Variants in MSH4 observed in about 807,000 individuals in gnomAD.
MSH4 encodes the protein mutS homolog 4, also known as mutS protein homolog 4.
In MSH4, 106 loss-of-function variants were observed where a neutral mutation model predicts 113.7. The observed-to-expected ratio is 0.93, with a 90% CI of 0.80 to 1.10. MSH4 has a LOEUF of 1.10. MSH4 is among the 50% of genes least tolerant of loss of function. The pLI, the probability that MSH4 is intolerant of heterozygous loss-of-function variation, is 0.00. For synonymous variants in MSH4, 368 were observed against 380.2 expected, an observed-to-expected ratio of 0.97 and a Z score of 0.37; for missense variants, 1,061 against 1,093.7, an observed-to-expected ratio of 0.97 and a Z score of 0.42.
intron 17 of MSH4, among the ~76,000 whole-genome samples, chr1:75,896,394 C>CACACA (rs571761055): frequency 2.0e-5 from 3 of 147,168 alleles, no homozygotes; most frequent in African/African-American, 5.0e-5. Context: ...CACACACACA[C>CACACA]CCTATTGGTC....
At chr1:75,888,049 A>G (rs553834640) in intron 15 of MSH4, among the ~76,000 whole-genome samples, 2 of 150,242 alleles carry the variant, frequency 1.3e-5, no homozygotes, top group South Asian at 4.2e-4. Flanking sequence ...AATATCTAGT[A>G]TGTCGAATGG....
Position 75,804,003 on chromosome 1 carries a change from T to G in MSH4, c.427+90T>G. On this transcript the variant is annotated intron_variant, in intron 2 of 19. Transcript: ENST00000263187. ...TTAGGGTTATTAAGTTCATTTGAAT[T>G]TATCTATAACTGATATGAATGAAAA... 3.3e-6 allele frequency: 3 copies of G among 919,344 alleles called. No individual in the cohort carries two copies. In the Admixed American group the frequency reaches 1.0e-4, roughly 31 times the overall value. 56.9% of individuals were successfully genotyped at this position (919,344 alleles called of 1,614,324 possible). A position where few individuals can be genotyped will look rare whatever the true frequency, so the allele number is the denominator to read the frequency against.
intron 19 of MSH4, among the ~76,000 whole-genome samples, chr1:75,906,592 T>A (rs1443596834): frequency 2.1e-5 from 2 of 96,858 alleles, no homozygotes; most frequent in Non-Finnish European, 3.9e-5. Context: ...TATATTTTAA[T>A]TTATGATTTT....
chr1:75,881,347 A>T lies in MSH4; in HGVS notation c.1883A>T (p.His628Leu). 1 of 1,611,840 alleles carries T rather than the reference A, an allele frequency of 6.2e-7. No individual in the cohort carries two copies. The highest frequency in any genetic ancestry group is 8.5e-7 in the Non-Finnish European group (1 of 1,179,046). Residue 628 changes from histidine (H) to leucine (L), a missense_variant, in exon 14 of 20, where the codon CAT becomes CTT. His to Leu is a moderately conservative substitution (Grantham distance 99, BLOSUM62 -3). Transcript: ENST00000263187. Reference sequence around the variant, plus strand: ...CTGGATATGCTACTGTCATTTGCTCATGCCTGCACTCTTTCTGACTATGGT... The same window carrying T: ...CTGGATATGCTACTGTCATTTGCTCTTGCCTGCACTCTTTCTGACTATGGT... ...SMLDMLLSFAHACTLSDYVRP... is the reference protein window; with the variant it reads ...SMLDMLLSFALACTLSDYVRP...
chr1:75,912,673 T>C, intron 19 of MSH4, 23 bp from the exon 20 acceptor site: 1 of 609,960 alleles, frequency 1.6e-6, no homozygotes. Flanking sequence ...TATATATATA[T>C]ATTTTTTTTT....
In MSH4 at chr1:75,886,903, A is replaced by G. The variant is rs367605577; in HGVS notation, c.2108-2348A>G. Among the ~76,000 whole-genome samples, 260 of 149,516 alleles carry G rather than the reference A, an allele frequency of 1.7e-3. 7 individuals carry two copies. In the South Asian group the frequency reaches 0.053, roughly 31 times the overall value. On this transcript the variant is annotated intron_variant, in intron 15 of 19. Transcript: ENST00000263187. ...TTTATTCTCCTAGAAACTCCATAAG[A>G]AAGTTGTATTTGAAATCTAAGTTCT... is the stretch of plus-strand genomic sequence containing the variant.
At chr1:75,863,308 T>G (rs1194413251) in intron 8 of MSH4, among the ~76,000 whole-genome samples, 1 of 152,310 alleles carries the variant, frequency 6.6e-6, no homozygotes, top group Non-Finnish European at 1.5e-5. Flanking sequence ...CATAGTATTA[T>G]CTAGAACTGC....
intron 7 of MSH4, among the ~76,000 whole-genome samples, chr1:75,826,085 A>G (rs1455753570): frequency 1.4e-5 from 2 of 145,188 alleles, no homozygotes; most frequent in Admixed American, 6.8e-5. Context: ...CTGTGAATCC[A>G]TCTGGTCCTG....
intron 8 of MSH4, among the ~76,000 whole-genome samples, chr1:75,848,664 G>A (rs1215030943): frequency 6.6e-6 from 1 of 152,052 alleles, no homozygotes; most frequent in Non-Finnish European, 1.5e-5. Context: ...CTTAAGCCTT[G>A]GGAGGTCAAG....
At chr1:75,844,452 G>C (rs1048654030) in intron 7 of MSH4, among the ~76,000 whole-genome samples, 2 of 152,022 alleles carry the variant, frequency 1.3e-5, no homozygotes, top group Non-Finnish European at 2.9e-5. Context: ...TCAGCCTCCT[G>C]AGTAGCTGGG....
chr1:75,867,118 A>G (rs5745429), intron 8 of MSH4, among the ~76,000 whole-genome samples: 38,647 of 152,136 alleles, frequency 0.25, 6,431 homozygotes, highest in East Asian at 0.68. Context: ...TTCTATAACT[A>G]TCTGGGAGGT....
chr1:75,869,751 C>A (rs926514365), intron 9 of MSH4, among the ~76,000 whole-genome samples: 1 of 152,148 alleles, frequency 6.6e-6, no homozygotes, highest in Non-Finnish European at 1.5e-5. Context: ...AGAGGATGTA[C>A]GGAAATGCCT....
chr1:75,863,996 C>T (rs866740997), intron 8 of MSH4, among the ~76,000 whole-genome samples: 9 of 152,128 alleles, frequency 5.9e-5, no homozygotes, highest in Non-Finnish European at 1.0e-4. Context: ...CCTTCTTCTC[C>T]TTCCCATCCA....
At chr1:75,807,378 G>A (rs1650092979) in intron 3 of MSH4, among the ~76,000 whole-genome samples, 1 of 151,976 alleles carries the variant, frequency 6.6e-6, no homozygotes, top group African/African-American at 2.4e-5. Context: ...GTTAGTATTA[G>A]TTTCTAAAAT....
At chr1:75,870,449 G>A (rs546847599) in intron 9 of MSH4, among the ~76,000 whole-genome samples, 1 of 152,244 alleles carries the variant, frequency 6.6e-6, no homozygotes, top group Admixed American at 6.5e-5. Context: ...GAATTATATG[G>A]TTTGGCTGTT....
rs776314048 is a variant in MSH4, at chr1:75,877,050, T to C, written c.1370+50T>C. 1.1e-5 allele frequency: 13 copies of C among 1,191,270 alleles called. No homozygotes were observed. In the East Asian group the frequency reaches 3.3e-4, roughly 30 times the overall value. The allele number at this position is 1,191,270 out of a possible 1,614,324, so 73.8% of individuals were successfully genotyped here. A position where few individuals can be genotyped will look rare whatever the true frequency, so the allele number is the denominator to read the frequency against. On this transcript the variant is annotated intron_variant, in intron 10 of 19. Transcript: ENST00000263187. The stretch of plus-strand genomic sequence containing the variant: ...AAAAATAAGATTATTCTCTTCTTCC[T>C]GATCATAACTGATTTTAAAGACTCT...
At chr1:75,867,966 A>G (rs896904697) in intron 9 of MSH4, among the ~76,000 whole-genome samples, 2 of 152,154 alleles carry the variant, frequency 1.3e-5, no homozygotes, top group Non-Finnish European at 2.9e-5. Context: ...TGTTCTTTAT[A>G]GCATTTTTTT....
intron 7 of MSH4, among the ~76,000 whole-genome samples, chr1:75,828,710 A>G (rs1408043670): frequency 6.6e-6 from 1 of 152,210 alleles, no homozygotes; most frequent in African/African-American, 2.4e-5. Flanking sequence ...TATGTTTACT[A>G]TCTGAGTGCT....
chr1:75,906,054 G>C (rs912825963), intron 19 of MSH4, among the ~76,000 whole-genome samples: 2 of 151,730 alleles, frequency 1.3e-5, no homozygotes, highest in Admixed American at 1.3e-4. Flanking sequence ...ACAGTGGCTT[G>C]ATCTCAGTTC....
Sources: gnomAD v4.1 joint callset for allele counts (sites outside exome capture counted in the v4.1 genomes callset) on GRCh38, gnomAD v4.1.1 for gene constraint, MANE v1.5 for transcripts, NCBI Gene and HGNC (gene_info 2026-07-23, HGNC 2026-07-21) for gene names.